The following IL2RB variants were observed in gnomAD, a reference collection of about 807,000 sequenced individuals.
The protein encoded by IL2RB is interleukin-2 receptor subunit beta.
IL2RB carries 17 observed loss-of-function variants against 44.2 expected under a neutral mutation model. That is an observed-to-expected ratio of 0.38 (90% CI 0.26 to 0.58). The LOEUF (loss-of-function observed/expected upper bound fraction) is 0.58, where lower values mean the gene tolerates loss of function less well. Ranked by LOEUF, IL2RB falls within the 20% of genes least tolerant of loss-of-function variation. The pLI, the probability that IL2RB is intolerant of heterozygous loss-of-function variation, is 0.63. For missense variants in IL2RB, 624 were observed against 685.5 expected, an observed-to-expected ratio of 0.91 and a Z score of 1.00; for synonymous variants, 286 against 297.9, an observed-to-expected ratio of 0.96 and a Z score of 0.41.
chr22:37,163,896 C>T (rs891855486), intron 1 of IL2RB, among the ~76,000 whole-genome samples: 5 of 152,246 alleles, frequency 3.3e-5, no homozygotes, highest in Non-Finnish European at 5.9e-5. Context: ...CAGCTCATTC[C>T]TCAGTGCGTG....
intron 1 of IL2RB, chr22:37,161,729 C>T (rs1019718848): frequency 9.2e-5 from 14 of 152,004 alleles, no homozygotes; most frequent in South Asian, 6.2e-4. Flanking sequence ...TGACCAGGTT[C>T]CCCCAGTCAG....
intron 5 of IL2RB, among the ~76,000 whole-genome samples, chr22:37,138,376 G>A (rs1921807926): frequency 6.6e-6 from 1 of 152,168 alleles, no homozygotes; most frequent in South Asian, 2.1e-4. Flanking sequence ...TGGTAGGTAG[G>A]TGACTCCGAT....
chr22:37,164,039 T>C (rs1323325614), intron 1 of IL2RB, among the ~76,000 whole-genome samples: 1 of 152,168 alleles, frequency 6.6e-6, no homozygotes, highest in Non-Finnish European at 1.5e-5. Flanking sequence ...GGGTTGCACA[T>C]GGGACCTCTG....
rs1163771305 is a variant in IL2RB, at chr22:37,144,092, C to T, written c.81G>A (p.Ala27=). The change falls in exon 2 of 10, where the codon GCG becomes GCA. Residue 27 remains alanine (A), a synonymous_variant. Transcript: ENST00000216223. The part of the protein sequence containing the change: ...LPLATSWASA[A]VNGTSQFTCF... ...AGATGTCAGGGTCCTCACCATTCAC[C>T]GCTGCAGATGCCCAAGAGGTAGCCA... 1.5e-5 allele frequency: 23 copies of T among 1,552,204 alleles called. No homozygotes were observed. The highest frequency in any genetic ancestry group is 3.4e-4 in the Middle Eastern group (2 of 5,966).
chr22:37,169,430 G>A (rs1923199852), intron 1 of IL2RB, among the ~76,000 whole-genome samples: 1 of 152,176 alleles, frequency 6.6e-6, no homozygotes, highest in Non-Finnish European at 1.5e-5. Flanking sequence ...GTTTACAGAG[G>A]GGTTCATATT....
intron 1 of IL2RB, among the ~76,000 whole-genome samples, chr22:37,167,205 C>G (rs1601614816): frequency 2.0e-5 from 3 of 152,156 alleles, no homozygotes; most frequent in African/African-American, 7.2e-5. Context: ...AGCCTCCGAC[C>G]CACCCTCTGC....
chr22:37,174,330 T>C (rs1387271970), intron 1 of IL2RB, among the ~76,000 whole-genome samples: 1 of 152,210 alleles, frequency 6.6e-6, no homozygotes, highest in Non-Finnish European at 1.5e-5. Flanking sequence ...ACTTTAGAGA[T>C]AACATTCATA....
intron 1 of IL2RB, among the ~76,000 whole-genome samples, chr22:37,169,801 G>C (rs1025118163): frequency 1.3e-5 from 2 of 152,196 alleles, no homozygotes; most frequent in East Asian, 3.8e-4. Context: ...ATGGGGTTAG[G>C]TACCTGCCAG....
chr22:37,132,220 A>C (rs1291573122), intron 9 of IL2RB, among the ~76,000 whole-genome samples, 164 bp downstream of exon 9: 1 of 152,152 alleles, frequency 6.6e-6, no homozygotes, highest in African/African-American at 2.4e-5. Context: ...TCTGGCTCAG[A>C]TGGAAAGTGC....
At position 37,149,881 on chromosome 22, in the gene IL2RB, G is replaced by A. The variant is rs913885418; in HGVS notation, c.-90C>T. 1 of 985,674 alleles carries A rather than the reference G, an allele frequency of 1.0e-6. No homozygotes were observed. The highest frequency in any genetic ancestry group is 1.2e-6 in the Non-Finnish European group (1 of 830,190). The allele number at this position is 985,674 out of a possible 1,614,324, so 61.1% of individuals were successfully genotyped here. A position where few individuals can be genotyped will look rare whatever the true frequency, so the allele number is the denominator to read the frequency against. On this transcript the variant is annotated 5_prime_UTR_variant, in exon 1 of 10. Transcript: ENST00000216223. ...GCTCTCCAGTCCTCCCCGGTGCTGG[G>A]ACCGTGGCCATCTCTCCAGGGCCCT...
At chr22:37,163,972 G>A (rs570955191) in intron 1 of IL2RB, among the ~76,000 whole-genome samples, 7 of 152,368 alleles carry the variant, frequency 4.6e-5, no homozygotes, top group Non-Finnish European at 7.3e-5. Flanking sequence ...CAGGCCGAGA[G>A]TGCCATGGCT....
intron 1 of IL2RB, among the ~76,000 whole-genome samples, chr22:37,165,956 G>A (rs1175344557): frequency 2.0e-5 from 3 of 152,216 alleles, no homozygotes; most frequent in South Asian, 2.1e-4. Context: ...CCAGGGGAGC[G>A]AGATCATGGC....
chr22:37,128,229 C>A lies in IL2RB; in HGVS notation c.1523G>T (p.Gly508Val). 6.6e-7 allele frequency: 1 copy of A among 1,509,538 alleles called. No individual in the cohort carries two copies. The highest frequency in any genetic ancestry group is 8.8e-7 in the Non-Finnish European group (1 of 1,130,564). The allele number at this position is 1,509,538 out of a possible 1,614,324, so 93.5% of individuals were successfully genotyped here. Reference sequence around the variant, plus strand: ...AGGCCTGGACCAGGGGAAACTGACTCCCTCCCTGGGGCCAGCGTCAGGGAC... The same window carrying A: ...AGGCCTGGACCAGGGGAAACTGACTACCTCCCTGGGGCCAGCGTCAGGGAC... ...EEVPDAGPRE[G>V]VSFPWSRPPG... The change falls in exon 10 of 10, where the codon GGA becomes GTA. Residue 508 changes from glycine to valine, a missense_variant. Transcript: ENST00000216223. This position sits in a 1 kb window ranked among gnomAD's most constrained non-coding sequence, Gnocchi z 4.5.
Position 37,136,332 on chromosome 22 carries a change from G to C in IL2RB, c.599C>G (p.Pro200Arg), listed in dbSNP as rs565954565. 1 of 1,613,070 alleles carries C rather than the reference G, an allele frequency of 6.2e-7. No individual in the cohort carries two copies. Among genetic ancestry groups the C allele is most frequent in the Non-Finnish European group, 8.5e-7 (1 of 1,179,656 alleles). ...CACCTGAAACTCATACTGGGTGTCTGGGGTGAGCGTCTCCAGGCAGATCCA... is the reference window on the plus strand; with the variant it reads ...CACCTGAAACTCATACTGGGTGTCTCGGGTGAGCGTCTCCAGGCAGATCCA... ...QEWICLETLTPDTQYEFQVRV... is the reference protein window; with the variant it reads ...QEWICLETLTRDTQYEFQVRV... Residue 200 changes from proline to arginine, a missense_variant, in exon 7 of 10, where the codon CCA (proline) becomes CGA (arginine). By Grantham distance (103) the Pro-to-Arg change is moderately radical. Around this residue, in one of 3 missense-constraint regions of IL2RB, gnomAD observed 255 missense variants for 339.9 expected, o/e 0.75. Coordinates refer to ENST00000216223, the MANE Select transcript of IL2RB (RefSeq NM_000878.5).
chr22:37,159,586 T>G (rs1202115912), intron 1 of IL2RB, among the ~76,000 whole-genome samples: 3 of 152,218 alleles, frequency 2.0e-5, no homozygotes, highest in African/African-American at 7.2e-5. Context: ...CTCTGCCTCT[T>G]GGAGTCCTAG....
At position 37,141,785 on chromosome 22, in the gene IL2RB, G is replaced by T. The variant is rs564951459; in HGVS notation, c.282+649C>A. The stretch of plus-strand genomic sequence containing the variant: ...TGAGCACAGGGGGATGGGAAGCCAC[G>T]GGGGTGCAGGGGACAGCTTGGCACT... On this transcript the variant is annotated intron_variant, in intron 4 of 9. Transcript: ENST00000216223. The surrounding 1 kb of genome is among the most constrained non-coding windows in gnomAD (Gnocchi z 4.4). 6.6e-6 allele frequency among the ~76,000 whole-genome samples: 1 copy of T among 152,224 alleles called. No homozygotes were observed. Among genetic ancestry groups the T allele is most frequent in the Non-Finnish European group, 1.5e-5 (1 of 68,028 alleles).
chr22:37,148,158 G>C (rs746719440), intron 1 of IL2RB, among the ~76,000 whole-genome samples: 1 of 152,174 alleles, frequency 6.6e-6, no homozygotes. Flanking sequence ...AGCGCCATCT[G>C]GAGTCTGCTT....
At chr22:37,161,004 G>A (rs368848905) in intron 1 of IL2RB, among the ~76,000 whole-genome samples, 1 of 152,210 alleles carries the variant, frequency 6.6e-6, no homozygotes, top group South Asian at 2.1e-4. Flanking sequence ...AGCTGGGCAT[G>A]GTGGCACATG....
At chr22:37,136,151 G>A (rs568480138) in intron 7 of IL2RB, 77 bp downstream of exon 7, 3 of 1,465,080 alleles carry the variant, frequency 2.0e-6, no homozygotes, top group African/African-American at 2.8e-5. Flanking sequence ...CCCCAGGCAG[G>A]GAGAGAATGG....
Sources: allele counts gnomAD v4.1 joint callset (sites outside exome capture counted in the v4.1 genomes callset), GRCh38; gene constraint gnomAD v4.1.1; regional missense constraint gnomAD v4.1.1; non-coding constraint Gnocchi (gnomAD v3.1); transcripts MANE v1.5; gene names NCBI Gene and HGNC (gene_info 2026-07-23, HGNC 2026-07-21).